Variants in DCC observed in about 807,000 individuals in gnomAD.
DCC encodes the protein netrin receptor DCC.
In DCC, 58 loss-of-function variants were observed where a neutral mutation model predicts 172.5. That is an observed-to-expected ratio of 0.34 (90% confidence interval 0.27 to 0.42). DCC has a LOEUF of 0.42. Ranked by LOEUF, DCC falls within the 10% of genes least tolerant of loss-of-function variation. The probability of loss-of-function intolerance (pLI) is 1.00; values close to 1 mark genes in which losing one functional copy is unlikely to be tolerated. For synonymous variants in DCC, 709 were observed against 644.5 expected (o/e 1.10, Z -1.52); for missense variants, 1,740 against 1,791.0 (o/e 0.97, Z 0.51).
Position 52,619,548 on chromosome 18 carries a change from T to A in DCC, c.92-132506T>A, listed in dbSNP as rs375339271. On this transcript the variant is annotated intron_variant, in intron 1 of 28. Coordinates refer to ENST00000442544, the MANE Select transcript of DCC (RefSeq NM_005215.4). ...TTCCCTTGAGTATGGGTGATCCCAATAACCAATGTTCTTTGGATGCAGTTG... is the reference window on the plus strand; with the variant it reads ...TTCCCTTGAGTATGGGTGATCCCAAAAACCAATGTTCTTTGGATGCAGTTG... Among the ~76,000 whole-genome samples, 178 of 152,332 alleles carry A rather than the reference T, an allele frequency of 1.2e-3. 1 individual carries two copies. The highest frequency in any genetic ancestry group is 4.0e-3 in the African/African-American group (166 of 41,570).
At chr18:52,612,118 C>G (rs1309409144) in intron 1 of DCC, among the ~76,000 whole-genome samples, 1 of 152,126 alleles carries the variant, frequency 6.6e-6, no homozygotes, top group Non-Finnish European at 1.5e-5. Flanking sequence ...CTGACATACC[C>G]CAATACTTAC....
At chr18:52,723,619 A>G (rs1438711058) in intron 1 of DCC, among the ~76,000 whole-genome samples, 3 of 152,342 alleles carry the variant, frequency 2.0e-5, no homozygotes, top group East Asian at 1.9e-4. Context: ...CCCTGCAGCC[A>G]GCATACCTGA....
chr18:53,487,981 G>A (rs958645109), intron 26 of DCC, among the ~76,000 whole-genome samples: 4 of 152,130 alleles, frequency 2.6e-5, no homozygotes, highest in African/African-American at 4.8e-5. Flanking sequence ...GCCCACAAGT[G>A]CCTTCTTCAC....
chr18:52,547,352 G>T (rs1269826896), intron 1 of DCC, among the ~76,000 whole-genome samples: 2 of 152,140 alleles, frequency 1.3e-5, no homozygotes, highest in African/African-American at 4.8e-5. Context: ...GGAGAAGGAG[G>T]AAAATATGTT....
At chr18:52,618,046 T>C (rs1197353573) in intron 1 of DCC, among the ~76,000 whole-genome samples, 3 of 152,198 alleles carry the variant, frequency 2.0e-5, no homozygotes, top group Non-Finnish European at 2.9e-5. Context: ...TTTCAATTGC[T>C]ATGTTAAATT....
chr18:53,400,369 G>A (rs1221348978), intron 18 of DCC, among the ~76,000 whole-genome samples: 1 of 152,118 alleles, frequency 6.6e-6, no homozygotes, highest in African/African-American at 2.4e-5. Flanking sequence ...TGAGCACAGT[G>A]TTCATGGGAC....
intron 17 of DCC, among the ~76,000 whole-genome samples, chr18:53,394,892 A>C (rs887424853): frequency 2.0e-5 from 3 of 152,102 alleles, no homozygotes; most frequent in Admixed American, 2.0e-4. Flanking sequence ...CTGTAATCCC[A>C]GCACTCTGGG....
chr18:52,867,113 C>G (rs1020314694), intron 2 of DCC, among the ~76,000 whole-genome samples: 1 of 152,124 alleles, frequency 6.6e-6, no homozygotes, highest in African/African-American at 2.4e-5. Flanking sequence ...TATCAAAGGC[C>G]TTTTCAGCAT....
intron 1 of DCC, among the ~76,000 whole-genome samples, chr18:52,603,165 G>A (rs538078769): frequency 1.2e-4 from 18 of 152,146 alleles, no homozygotes; most frequent in African/African-American, 4.1e-4. Flanking sequence ...TAGGGATGGA[G>A]ACTGAAAAGC....
At chr18:52,557,231 A>C (rs2032937435) in intron 1 of DCC, among the ~76,000 whole-genome samples, 1 of 152,240 alleles carries the variant, frequency 6.6e-6, no homozygotes, top group African/African-American at 2.4e-5. Context: ...TATTCATATC[A>C]CAAGAGGTTT....
intron 7 of DCC, among the ~76,000 whole-genome samples, chr18:53,083,273 C>G (rs544653993): frequency 1.3e-5 from 2 of 151,908 alleles, no homozygotes. Flanking sequence ...ATATTGTTGC[C>G]AAAAGAAATG....
intron 7 of DCC, among the ~76,000 whole-genome samples, chr18:53,156,798 G>A (rs567969979): frequency 2.3e-4 from 35 of 152,098 alleles, no homozygotes; most frequent in African/African-American, 8.2e-4. Flanking sequence ...CTTTTACTTC[G>A]AATATAGATA....
intron 7 of DCC, among the ~76,000 whole-genome samples, chr18:53,136,165 T>C (rs1032519846): frequency 1.2e-4 from 18 of 145,974 alleles, no homozygotes; most frequent in Non-Finnish European, 2.3e-4. Flanking sequence ...ATGTATTATA[T>C]GGGTATATTC....
intron 1 of DCC, among the ~76,000 whole-genome samples, chr18:52,646,255 A>C (rs938109903): frequency 6.6e-6 from 1 of 152,196 alleles, no homozygotes; most frequent in African/African-American, 2.4e-5. Flanking sequence ...GTTTTCAAGA[A>C]ATTATAAGCT....
chr18:53,479,787 A>G (rs2045810405), intron 25 of DCC, among the ~76,000 whole-genome samples: 1 of 152,204 alleles, frequency 6.6e-6, no homozygotes, highest in African/African-American at 2.4e-5. Context: ...ATCCTTCAAG[A>G]CTTAGATTAC....
intron 2 of DCC, among the ~76,000 whole-genome samples, chr18:52,905,491 A>G (rs2039868185): frequency 1.3e-5 from 2 of 152,230 alleles, no homozygotes; most frequent in South Asian, 4.1e-4. Flanking sequence ...TACCTTAAGC[A>G]GTAAACCCTA....
chr18:53,504,718 A>G (rs1033284592), intron 27 of DCC, among the ~76,000 whole-genome samples: 1 of 152,188 alleles, frequency 6.6e-6, no homozygotes, highest in African/African-American at 2.4e-5. Flanking sequence ...TTTAGAAAAT[A>G]AATATTAATA....
chr18:53,149,280 C>T (rs991448355), intron 7 of DCC, among the ~76,000 whole-genome samples: 2 of 152,074 alleles, frequency 1.3e-5, no homozygotes, highest in Non-Finnish European at 2.9e-5. Context: ...TAATAACAGC[C>T]GTTTATTGAA....
chr18:53,187,464 A>G (rs1437646238), intron 9 of DCC, among the ~76,000 whole-genome samples: 1 of 152,088 alleles, frequency 6.6e-6, no homozygotes, highest in Non-Finnish European at 1.5e-5. Context: ...ACAAAGTTTC[A>G]TTGTGTAATT....
Sources: gnomAD v4.1 joint callset for allele counts (sites outside exome capture counted in the v4.1 genomes callset) on GRCh38, gnomAD v4.1.1 for gene constraint, MANE v1.5 for transcripts, NCBI Gene and HGNC (gene_info 2026-07-23, HGNC 2026-07-21) for gene names.